LMNB2: variants seen among roughly 807,000 people sequenced by gnomAD.
LMNB2 encodes lamin-B2.
Under a neutral mutation model 69.3 loss-of-function variants are expected in LMNB2, and 17 were observed. That is an observed-to-expected ratio of 0.25 (90% CI 0.17 to 0.37). The LOEUF is 0.37. LMNB2 is among the 10% of genes least tolerant of loss of function. LMNB2 has a pLI of 1.00. For synonymous variants in LMNB2, 397 were observed against 389.3 expected (o/e 1.02, Z -0.23); for missense variants, 789 against 883.6 (o/e 0.89, Z 1.36).
At chr19:2,456,606 C>A in intron 1 of LMNB2, 64 bp downstream of exon 1, 1 of 1,334,866 alleles carries the variant, frequency 7.5e-7, no homozygotes, top group Non-Finnish European at 9.6e-7. Flanking sequence ...CGCGATCGCG[C>A]GCCCCGCGGT....
At chr19:2,440,752 C>T (rs1356990970) in intron 2 of LMNB2, among the ~76,000 whole-genome samples, 1 of 151,796 alleles carries the variant, frequency 6.6e-6, no homozygotes, top group Non-Finnish European at 1.5e-5. Flanking sequence ...ATCCACTCAT[C>T]CATCCATCAT....
intron 2 of LMNB2, 113 bp from the exon 3 acceptor site, chr19:2,438,644 C>T: frequency 3.9e-6 from 5 of 1,296,490 alleles, no homozygotes; most frequent in Non-Finnish European, 5.3e-6. Flanking sequence ...GCCTCCGAGC[C>T]CCAGACCTTC....
chr19:2,435,014 G>A lies in LMNB2; in HGVS notation c.842C>T (p.Thr281Ile), dbSNP rs1211211815. The A allele has an allele frequency of 6.2e-6, 10 of 1,608,124 alleles. No individual in the cohort carries two copies. The highest frequency in any genetic ancestry group is 8.5e-6 in the Non-Finnish European group (10 of 1,179,468). ...VRLYKLELEQ[T>I]YQAKLDSAKL... ...TGCCGGCCACACCTTGGCCTGGTAG[G>A]TCTGCTCCAGCTCCAGCTTGTAGAG... The change falls in exon 5 of 12, where the codon ACC becomes ATC. Residue 281 changes from threonine to isoleucine, a missense_variant. By Grantham distance (89) the Thr-to-Ile change is moderately conservative. Around this residue, in one of 3 missense-constraint regions of LMNB2, gnomAD observed 609 missense variants for 630.9 expected, o/e 0.97. Transcript: ENST00000325327.
Position 2,430,442 on chromosome 19 carries a change from G to C in LMNB2, c.*469C>G, listed in dbSNP as rs1275254619. 1 of 252,684 alleles carries C rather than the reference G, an allele frequency of 4.0e-6. No individual in the cohort carries two copies. Among genetic ancestry groups the C allele is most frequent in the African/African-American group, 2.2e-5 (1 of 44,498 alleles). 15.7% of individuals were successfully genotyped at this position (252,684 alleles called of 1,614,324 possible). A position where few individuals can be genotyped will look rare whatever the true frequency, so the allele number is the denominator to read the frequency against. ...CCCGCTGTCCGAAGCTGGGCAGCCA[G>C]AATGCAGGCTTGGCCCCGGGCCCCA... is the stretch of plus-strand genomic sequence containing the variant. On this transcript the variant is annotated 3_prime_UTR_variant, in exon 12 of 12. Coordinates refer to ENST00000325327, the MANE Select transcript of LMNB2 (RefSeq NM_032737.4).
chr19:2,432,751 C>T (rs547473534), intron 8 of LMNB2, among the ~76,000 whole-genome samples: 1 of 150,292 alleles, frequency 6.7e-6, no homozygotes, highest in South Asian at 2.1e-4. Flanking sequence ...CACTCCATTA[C>T]CCCTGTGCCC....
Position 2,431,556 on chromosome 19 carries a change from G to A in LMNB2, c.1813C>T (p.His605Tyr), listed in dbSNP as rs1409144420. ...EAEFGEEDLF[H>Y]QQGDPRTTSR... The stretch of plus-strand genomic sequence containing the variant: ...GGGCACAGGGGTCCTACCTGTTGGT[G>A]GAAAAGATCCTCCTCGCCAAACTCG... Residue 605 changes from histidine (H) to tyrosine (Y), a missense_variant, in exon 11 of 12, where the codon CAC (histidine) becomes TAC (tyrosine). This residue lies in a region of LMNB2 where 609 missense variants were observed against 630.9 expected (regional missense o/e 0.97). Coordinates refer to ENST00000325327, the MANE Select transcript of LMNB2 (RefSeq NM_032737.4). 1 of 1,614,072 alleles carries A rather than the reference G, an allele frequency of 6.2e-7. No individual in the cohort carries two copies. The highest frequency in any genetic ancestry group is 1.1e-5 in the South Asian group (1 of 91,086).
intron 1 of LMNB2, among the ~76,000 whole-genome samples, chr19:2,446,393 G>T (rs183907771): frequency 6.6e-6 from 1 of 151,820 alleles, no homozygotes; most frequent in Non-Finnish European, 1.5e-5. Flanking sequence ...CGCCCCTCTC[G>T]AGGGCCTCCA....
chr19:2,456,905 C>A lies in LMNB2; in HGVS notation c.29G>T (p.Arg10Leu), dbSNP rs984068789. 2.0e-6 allele frequency: 2 copies of A among 1,008,912 alleles called. No homozygotes were observed. Among genetic ancestry groups the A allele is most frequent in the Non-Finnish European group, 2.4e-6 (2 of 847,226 alleles). The allele number at this position is 1,008,912 out of a possible 1,614,324, so 62.5% of individuals were successfully genotyped here. A position where few individuals can be genotyped will look rare whatever the true frequency, so the allele number is the denominator to read the frequency against. ...GGCGGCTCGCGGCCTGCGCTGCTCC[C>A]GACGGCGGCCCGGGCTCGGCGGGCT... is the stretch of plus-strand genomic sequence containing the variant. MSPPSPGRR[R>L]EQRRPRAAAT... The change falls in exon 1 of 12, where the codon CGG becomes CTG. Residue 10 changes from arginine to leucine, a missense_variant. Arg to Leu is a moderately radical substitution (Grantham distance 102). This residue lies in a region of LMNB2 where 35 missense variants were observed against 23.9 expected (regional missense o/e 1.47). Transcript: ENST00000325327.
chr19:2,432,979 C>T (rs112425553), intron 8 of LMNB2, among the ~76,000 whole-genome samples: 2 of 97,286 alleles, frequency 2.1e-5, no homozygotes, highest in African/African-American at 9.5e-5. Flanking sequence ...CCGGTCTTTC[C>T]GGTCACCTTG....
chr19:2,431,040 C>T, intron 11 of LMNB2, 88 bp from the exon 12 acceptor site: 1 of 812,578 alleles, frequency 1.2e-6, no homozygotes, highest in Non-Finnish European at 2.2e-6. Context: ...ACCTCCCCAC[C>T]AGGGAGGGGC....
intron 1 of LMNB2, among the ~76,000 whole-genome samples, chr19:2,456,224 G>A (rs1481496728): frequency 6.7e-6 from 1 of 149,018 alleles, no homozygotes; most frequent in Non-Finnish European, 1.5e-5. Context: ...GGTTCCCCGC[G>A]ACTGGGAGCC....
chr19:2,431,869 G>A lies in LMNB2; in HGVS notation c.1624C>T (p.Pro542Ser), dbSNP rs759878071. 3.7e-6 allele frequency: 6 copies of A among 1,612,896 alleles called. No homozygotes were observed. Among genetic ancestry groups the A allele is most frequent in the Admixed American group, 3.3e-5 (2 of 59,956 alleles). ...WAAGAGVAHS[P>S]PSTLVWKGQS... ...CCCTTCCACACCAGCGTCGAGGGGG[G>A]GCTGTGGGCCACCCCCGCACCAGCT... The change falls in exon 10 of 12, where the codon CCC becomes TCC. Residue 542 changes from proline to serine, a missense_variant. By Grantham distance (74) the Pro-to-Ser change is moderately conservative (BLOSUM62 -1). This residue lies in a region of LMNB2 where 609 missense variants were observed against 630.9 expected (regional missense o/e 0.97). Transcript: ENST00000325327.
At position 2,434,021 on chromosome 19, in the gene LMNB2, C is replaced by T; in HGVS notation, c.1287G>A (p.Gly429=). ...GCTTCCGCTTACTGCGGCCCAGGCG[C>T]CCGGTGGCGGACAAGCTGCCGCTGC... is the stretch of plus-strand genomic sequence containing the variant. ...SSSSGSLSAT[G]RLGRSKRKRL... is the part of the protein sequence containing the mutation. The change falls in exon 8 of 12, where the codon GGG becomes GGA. Residue 429 remains glycine (G), a synonymous_variant. Transcript: ENST00000325327. The T allele has an allele frequency of 1.9e-6, 3 of 1,605,430 alleles. No individual in the cohort carries two copies. Among genetic ancestry groups the T allele is most frequent in the East Asian group, 2.2e-5 (1 of 44,644 alleles).
In LMNB2 at chr19:2,443,747, C is replaced by T. The variant is rs1429196886; in HGVS notation, c.401+657G>A. Among the ~76,000 whole-genome samples, 1 of 152,192 alleles carries T rather than the reference C, an allele frequency of 6.6e-6. No homozygotes were observed. Among genetic ancestry groups the T allele is most frequent in the Non-Finnish European group, 1.5e-5 (1 of 68,040 alleles). ...TCAGTGTTTCATTGGCCTCCTGGCT[C>T]CTCTGAATAAATATTCCTTTTGTCA... On this transcript the variant is annotated intron_variant, in intron 2 of 11. Coordinates refer to ENST00000325327, the MANE Select transcript of LMNB2 (RefSeq NM_032737.4). This position sits in a 1 kb window ranked among gnomAD's most constrained non-coding sequence, Gnocchi z 6.2.
Position 2,438,547 on chromosome 19 carries a change from G to A in LMNB2, c.402-16C>T, listed in dbSNP as rs1971855771. 1 of 1,605,286 alleles carries A rather than the reference G, an allele frequency of 6.2e-7. No homozygotes were observed. The highest frequency in any genetic ancestry group is 8.5e-7 in the Non-Finnish European group (1 of 1,175,398). On this transcript the variant is annotated splice_polypyrimidine_tract_variant and intron_variant, in intron 2 of 11. Transcript: ENST00000325327. ...CTTCTTGGCGCTGAAAGTCAAGAGGGCAAGTGAGTGGGGAGGGGCAAGGTC... is the reference window on the plus strand; with the variant it reads ...CTTCTTGGCGCTGAAAGTCAAGAGGACAAGTGAGTGGGGAGGGGCAAGGTC...
chr19:2,445,828 C>G (rs1971949071), intron 1 of LMNB2, among the ~76,000 whole-genome samples: 1 of 110,708 alleles, frequency 9.0e-6, no homozygotes, highest in Non-Finnish European at 1.9e-5. Context: ...CCTTTCACCC[C>G]TCGATCACAG....
rs1353877908 is a variant in LMNB2 at position 2,431,576 on chromosome 19, A to G, written c.1793T>C (p.Phe598Ser). The G allele has an allele frequency of 1.1e-5, 18 of 1,614,028 alleles. No homozygotes were observed. Among genetic ancestry groups the G allele is most frequent in the East Asian group, 2.2e-5 (1 of 44,900 alleles). The change falls in exon 11 of 12, where the codon TTT (phenylalanine) becomes TCT (serine). Residue 598 changes from phenylalanine (F) to serine (S), a missense_variant. By Grantham distance (155) the Phe-to-Ser change is radical. Coordinates refer to ENST00000325327, the MANE Select transcript of LMNB2 (RefSeq NM_032737.4). Reference sequence around the variant, plus strand: ...TTGGTGGAAAAGATCCTCCTCGCCAAACTCGGCTTCCTCCTCCTCTTCCTC... The same window carrying G: ...TTGGTGGAAAAGATCCTCCTCGCCAGACTCGGCTTCCTCCTCCTCTTCCTC... ...NGEEEEEEAEFGEEDLFHQQG... is the reference protein window; with the variant it reads ...NGEEEEEEAESGEEDLFHQQG...
rs112427985 is a variant in LMNB2 at position 2,434,217 on chromosome 19, C to G, written c.1202+78G>C. On this transcript the variant is annotated intron_variant, in intron 7 of 11. Coordinates refer to ENST00000325327, the MANE Select transcript of LMNB2 (RefSeq NM_032737.4). ...ACCTCCACCCCTGCCCAGCACTCCC[C>G]GCAGCCCCGTCCCGCCTCTCCTCCT... 19 of 1,555,668 alleles carry G rather than the reference C, an allele frequency of 1.2e-5. No homozygotes were observed. In the African/African-American group the frequency reaches 1.9e-4, roughly 16 times the overall value.
chr19:2,430,752 C>T lies in LMNB2; in HGVS notation c.*159G>A. 2 of 710,032 alleles carry T rather than the reference C, an allele frequency of 2.8e-6. No individual in the cohort carries two copies. The highest frequency in any genetic ancestry group is 2.6e-6 in the Non-Finnish European group (1 of 382,940). The allele number at this position is 710,032 out of a possible 1,614,324, so 44.0% of individuals were successfully genotyped here. A position where few individuals can be genotyped will look rare whatever the true frequency, so the allele number is the denominator to read the frequency against. ...GGCAGCGAAGTGAGGCTGGAGGAGA[C>T]CCGCCAGGAGGGAGGGCTGGGGGAG... On this transcript the variant is annotated 3_prime_UTR_variant, in exon 12 of 12. Coordinates refer to ENST00000325327, the MANE Select transcript of LMNB2 (RefSeq NM_032737.4).
Sources: allele counts gnomAD v4.1 joint callset (sites outside exome capture counted in the v4.1 genomes callset), GRCh38; gene constraint gnomAD v4.1.1; regional missense constraint gnomAD v4.1.1; non-coding constraint Gnocchi (gnomAD v3.1); transcripts MANE v1.5; gene names NCBI Gene and HGNC (gene_info 2026-07-23, HGNC 2026-07-21).